Variants in SGCZ observed in about 807,000 individuals in gnomAD.
The protein encoded by SGCZ is zeta-sarcoglycan.
In SGCZ, 40 loss-of-function variants were observed where a neutral mutation model predicts 41.3. That is an observed-to-expected ratio of 0.97 (90% CI 0.75 to 1.26). The LOEUF (loss-of-function observed/expected upper bound fraction) is 1.26. Ranked by LOEUF, SGCZ falls within the 50% of genes most tolerant of loss-of-function variation. The pLI, the probability that SGCZ is intolerant of heterozygous loss-of-function variation, is 0.00. For missense variants in SGCZ, 552 were observed against 369.8 expected (o/e 1.49, Z -4.04); for synonymous variants, 206 against 137.5 (o/e 1.50, Z -3.49).
chr8:14,494,715 C>A (rs1801941081), intron 2 of SGCZ, among the ~76,000 whole-genome samples: 1 of 152,156 alleles, frequency 6.6e-6, no homozygotes, highest in Non-Finnish European at 1.5e-5. Context: ...GAAGATCAGC[C>A]TTAACTACAA....
intron 5 of SGCZ, among the ~76,000 whole-genome samples, chr8:14,158,150 G>C (rs1803933352): frequency 2.0e-5 from 3 of 151,116 alleles, no homozygotes; most frequent in Admixed American, 6.6e-5. Flanking sequence ...TTCTTATAAT[G>C]GTCCTTTAAT....
chr8:14,990,361 C>A (rs985717706), intron 1 of SGCZ, among the ~76,000 whole-genome samples: 7 of 149,372 alleles, frequency 4.7e-5, no homozygotes, highest in Non-Finnish European at 3.0e-5. Context: ...CTGTTAGGAA[C>A]CAGGCCGCAT....
At chr8:14,102,174 G>A (rs1046387502) in intron 7 of SGCZ, among the ~76,000 whole-genome samples, 3 of 149,858 alleles carry the variant, frequency 2.0e-5, no homozygotes, top group Middle Eastern at 3.5e-3. Context: ...TCCTGACCTC[G>A]TGATCTGCCT....
intron 1 of SGCZ, among the ~76,000 whole-genome samples, chr8:14,684,681 C>T (rs1808553105): frequency 1.6e-5 from 2 of 128,682 alleles, no homozygotes; most frequent in African/African-American, 7.6e-5. Context: ...GTTTCGACAC[C>T]TTTGTTTTTC....
At chr8:14,729,020 A>C (rs1168551595) in intron 1 of SGCZ, among the ~76,000 whole-genome samples, 1 of 152,168 alleles carries the variant, frequency 6.6e-6, no homozygotes, top group African/African-American at 2.4e-5. Context: ...TACTCTTTGT[A>C]ATGTGGTCAC....
chr8:14,930,486 G>T (rs927439329), intron 1 of SGCZ, among the ~76,000 whole-genome samples: 4 of 152,022 alleles, frequency 2.6e-5, no homozygotes, highest in African/African-American at 9.7e-5. Context: ...CCATTACTGG[G>T]TATATACCCA....
At chr8:14,189,847 C>T (rs903443542) in intron 4 of SGCZ, among the ~76,000 whole-genome samples, 1 of 152,258 alleles carries the variant, frequency 6.6e-6, no homozygotes, top group South Asian at 2.1e-4. Context: ...CTGTCTTGCT[C>T]ATCTCTGCAT....
intron 2 of SGCZ, among the ~76,000 whole-genome samples, chr8:14,365,464 T>C (rs549261040): frequency 2.0e-5 from 3 of 152,254 alleles, no homozygotes; most frequent in East Asian, 1.9e-4. Context: ...TCTGCTAACA[T>C]ATTGTGTACA....
intron 1 of SGCZ, among the ~76,000 whole-genome samples, chr8:14,808,316 T>G (rs1801618807): frequency 6.6e-6 from 1 of 151,814 alleles, no homozygotes; most frequent in Non-Finnish European, 1.5e-5. Context: ...GGGAGAAAAT[T>G]TTCGCAACCT....
chr8:14,710,506 G>A (rs1809482318), intron 1 of SGCZ, among the ~76,000 whole-genome samples: 1 of 151,800 alleles, frequency 6.6e-6, no homozygotes. Context: ...CTTGGCCTAT[G>A]ATTAATAATT....
In SGCZ at chr8:14,256,633, A is replaced by G. The variant is rs192326370; in HGVS notation, c.337-18954T>C. Among the ~76,000 whole-genome samples the G allele has an allele frequency of 2.8e-3, 428 of 152,298 alleles. 3 individuals carry two copies. Among genetic ancestry groups the G allele is most frequent in the Non-Finnish European group, 2.8e-3 (192 of 68,006 alleles). ...TGAAGATAAAAAACTATGATTTTAC[A>G]TTAGAAAGATGTAGTTTACCATAAC... On this transcript the variant is annotated intron_variant, in intron 3 of 7. Transcript: ENST00000382080.
chr8:15,205,192 A>G (rs1265552751), intron 1 of SGCZ, among the ~76,000 whole-genome samples: 1 of 152,160 alleles, frequency 6.6e-6, no homozygotes, highest in Non-Finnish European at 1.5e-5. Flanking sequence ...CGAACATAGG[A>G]AGGGGCAAAG....
chr8:14,774,989 A>G (rs1800356757), intron 1 of SGCZ, among the ~76,000 whole-genome samples: 1 of 152,194 alleles, frequency 6.6e-6, no homozygotes, highest in South Asian at 2.1e-4. Context: ...ACACCACATA[A>G]AGGAAAAAAA....
intron 1 of SGCZ, among the ~76,000 whole-genome samples, chr8:15,069,485 T>C (rs1805274351): frequency 6.6e-6 from 1 of 152,196 alleles, no homozygotes; most frequent in African/African-American, 2.4e-5. Flanking sequence ...GCAGTGGAAT[T>C]TGCTTTCATT....
At chr8:15,217,395 A>T (rs1182972113) in intron 1 of SGCZ, among the ~76,000 whole-genome samples, 2 of 147,076 alleles carry the variant, frequency 1.4e-5, no homozygotes, top group Non-Finnish European at 3.0e-5. Context: ...CCAACCTGGG[A>T]GACACAGCGA....
intron 1 of SGCZ, among the ~76,000 whole-genome samples, chr8:15,217,608 G>A (rs958755551): frequency 6.6e-6 from 1 of 152,154 alleles, no homozygotes; most frequent in Non-Finnish European, 1.5e-5. Context: ...ACTTAAAAAC[G>A]TGGAAGGGAC....
At chr8:15,080,927 A>G (rs899454444) in intron 1 of SGCZ, among the ~76,000 whole-genome samples, 5 of 152,016 alleles carry the variant, frequency 3.3e-5, no homozygotes, top group African/African-American at 4.8e-5. Context: ...GACAATTCAG[A>G]CAGACATAAT....
chr8:14,858,049 T>C (rs1435516625), intron 1 of SGCZ, among the ~76,000 whole-genome samples: 1 of 152,128 alleles, frequency 6.6e-6, no homozygotes, highest in African/African-American at 2.4e-5. Context: ...AACTTTATAT[T>C]TATTAGAGTC....
chr8:14,824,423 AC>A (rs1462319443), intron 1 of SGCZ, among the ~76,000 whole-genome samples: 1 of 151,862 alleles, frequency 6.6e-6, no homozygotes, highest in African/African-American at 2.4e-5. Flanking sequence ...TTTCATGTCT[AC>A]TCCCCTAAAT....
Sources: allele counts gnomAD v4.1 joint callset (sites outside exome capture counted in the v4.1 genomes callset), GRCh38; gene constraint gnomAD v4.1.1; transcripts MANE v1.5; gene names NCBI Gene and HGNC (gene_info 2026-07-23, HGNC 2026-07-21).